The following AP3B1 variants were observed in gnomAD, a reference collection of about 807,000 sequenced individuals.
AP3B1 encodes AP-3 complex subunit beta-1.
AP3B1 carries 61 observed loss-of-function variants against 132.5 expected under a neutral mutation model. The observed-to-expected ratio is 0.46, with a 90% CI of 0.37 to 0.57. AP3B1 has a LOEUF of 0.57. Among genes scored for constraint, AP3B1 ranks in the 20% least tolerant of loss-of-function variants. AP3B1 has a pLI of 0.00. For missense variants in AP3B1, 1,120 were observed against 1,289.4 expected, an observed-to-expected ratio of 0.87 and a Z score of 2.01; for synonymous variants, 388 against 438.3, an observed-to-expected ratio of 0.89 and a Z score of 1.43.
chr5:78,287,751 A>T (rs1463564694), intron 1 of AP3B1, among the ~76,000 whole-genome samples: 3 of 36,078 alleles, frequency 8.3e-5, no homozygotes, highest in Middle Eastern at 0.013. Flanking sequence ...TACCCCTTGT[A>T]AAAAAAAAAA....
chr5:78,193,242 T>C (rs952256965), intron 7 of AP3B1, among the ~76,000 whole-genome samples: 18 of 152,184 alleles, frequency 1.2e-4, no homozygotes, highest in Non-Finnish European at 2.1e-4. Flanking sequence ...TTAGAGATAA[T>C]AGCCTAGATA....
chr5:78,202,375 C>T lies in AP3B1; in HGVS notation c.786+13680G>A, dbSNP rs576566311. The stretch of plus-strand genomic sequence containing the variant: ...GCTCCTCTCCTGTATTACAACTCCC[C>T]ATCCCCCAAGATATACAGATGGCAC... On this transcript the variant is annotated intron_variant, in intron 7 of 26. Coordinates refer to ENST00000255194, the MANE Select transcript of AP3B1 (RefSeq NM_003664.5). Among the ~76,000 whole-genome samples, 11 of 152,242 alleles carry T rather than the reference C, an allele frequency of 7.2e-5. No individual in the cohort carries two copies. In the South Asian group the frequency reaches 2.3e-3, roughly 32 times the overall value.
At chr5:78,009,773 CG>C (rs146253354) in intron 26 of AP3B1, among the ~76,000 whole-genome samples, 1,466 of 14,988 alleles carry the variant, frequency 0.098, 8 homozygotes, top group Non-Finnish European at 0.13. Flanking sequence ...TTAAGATATA[CG>C]GGGGGGTGGG....
At chr5:78,087,240 TCA>T (rs1217694484) in intron 22 of AP3B1, among the ~76,000 whole-genome samples, 1 of 152,202 alleles carries the variant, frequency 6.6e-6, no homozygotes, top group African/African-American at 2.4e-5. Context: ...TGTTGAGATC[TCA>T]CAGCATTATA....
chr5:78,267,604 A>G lies in AP3B1; in HGVS notation c.129-9T>C. 6.5e-7 allele frequency: 1 copy of G among 1,541,778 alleles called. No individual in the cohort carries two copies. Among genetic ancestry groups the G allele is most frequent in the Non-Finnish European group, 8.9e-7 (1 of 1,117,878 alleles). On this transcript the variant is annotated splice_polypyrimidine_tract_variant and intron_variant, in intron 1 of 26. Transcript: ENST00000255194. Reference sequence around the variant, plus strand: ...GCTTTAGATCTTCATTCCTATTACAAAAGAGAAGAAAAAAAATCCATACTT... The same window carrying G: ...GCTTTAGATCTTCATTCCTATTACAGAAGAGAAGAAAAAAAATCCATACTT...
intron 7 of AP3B1, among the ~76,000 whole-genome samples, chr5:78,200,215 A>G (rs1745234433): frequency 6.6e-6 from 1 of 151,874 alleles, no homozygotes; most frequent in African/African-American, 2.4e-5. Context: ...AATGGGTGCA[A>G]TCTGTGACTG....
chr5:78,181,454 A>G, intron 8 of AP3B1, 53 bp downstream of exon 8: 1 of 1,546,762 alleles, frequency 6.5e-7, no homozygotes, highest in Non-Finnish European at 8.9e-7. Flanking sequence ...GATATTTTTA[A>G]TTGCTGTTTT....
chr5:78,207,909 G>A (rs985356554), intron 7 of AP3B1, among the ~76,000 whole-genome samples: 49 of 152,224 alleles, frequency 3.2e-4, no homozygotes, highest in African/African-American at 1.2e-3. Context: ...AAATGCACAA[G>A]GCCTAAGAGA....
At chr5:78,178,558 T>C (rs946141123) in intron 8 of AP3B1, among the ~76,000 whole-genome samples, 22 of 152,024 alleles carry the variant, frequency 1.4e-4, no homozygotes, top group Non-Finnish European at 2.6e-4. Context: ...GAGGTAGAGG[T>C]TGCAGTGAGC....
rs536453230 is a variant in AP3B1 at position 78,094,440 on chromosome 5, A to G, written c.2471-4941T>C. Among the ~76,000 whole-genome samples the G allele has an allele frequency of 3.3e-5, 5 of 152,366 alleles. No homozygotes were observed. The East Asian group carries it at 7.7e-4, about 23-fold the overall frequency. On this transcript the variant is annotated intron_variant, in intron 21 of 26. Transcript: ENST00000255194. ...ACACAAAGAAACCACTAAACCGATT[A>G]AAAGCATAGGACTAATACCTGTGCT...
chr5:78,248,220 A>C (rs1358934137), intron 2 of AP3B1, among the ~76,000 whole-genome samples: 3 of 152,164 alleles, frequency 2.0e-5, no homozygotes, highest in Non-Finnish European at 4.4e-5. Context: ...GGCAGGGCAC[A>C]GTGGCTCACG....
chr5:78,022,425 C>T (rs550260741), intron 24 of AP3B1, among the ~76,000 whole-genome samples: 1 of 152,226 alleles, frequency 6.6e-6, no homozygotes, highest in South Asian at 2.1e-4. Context: ...GATGAGCAGC[C>T]TAATATGTCA....
At chr5:78,123,979 A>G (rs555332404) in intron 17 of AP3B1, among the ~76,000 whole-genome samples, 2 of 152,394 alleles carry the variant, frequency 1.3e-5, no homozygotes, top group African/African-American at 4.8e-5. Context: ...CTGGATTAAG[A>G]AAATGTGGTA....
intron 15 of AP3B1, among the ~76,000 whole-genome samples, chr5:78,130,179 T>A (rs186478102): frequency 1.3e-5 from 2 of 152,222 alleles, no homozygotes; most frequent in Admixed American, 1.3e-4. Context: ...TGAAAAAGCA[T>A]AGTTTTAACA....
At chr5:78,097,444 G>A (rs1474335880) in intron 21 of AP3B1, among the ~76,000 whole-genome samples, 16 of 114,896 alleles carry the variant, frequency 1.4e-4, no homozygotes, top group Non-Finnish European at 2.0e-4. Context: ...GCCTCTGCCC[G>A]GCCGCCCCTA....
chr5:78,195,951 A>G, intron 7 of AP3B1, among the ~76,000 whole-genome samples: 1 of 152,246 alleles, frequency 6.6e-6, no homozygotes, highest in East Asian at 1.9e-4. Flanking sequence ...TAACATAGGA[A>G]TCTAGATGAC....
chr5:78,187,144 T>C (rs1044868573), intron 7 of AP3B1, among the ~76,000 whole-genome samples: 1 of 152,206 alleles, frequency 6.6e-6, no homozygotes, highest in Non-Finnish European at 1.5e-5. Context: ...AAGTGAGATA[T>C]ACTTTTATAT....
intron 14 of AP3B1, among the ~76,000 whole-genome samples, chr5:78,142,533 G>A (rs1753197061): frequency 6.6e-6 from 1 of 151,960 alleles, no homozygotes; most frequent in South Asian, 2.1e-4. Context: ...GATTGTTAAA[G>A]AAAAAAGTGA....
intron 19 of AP3B1, among the ~76,000 whole-genome samples, chr5:78,113,447 A>G (rs1751680194): frequency 6.6e-6 from 1 of 152,204 alleles, no homozygotes; most frequent in African/African-American, 2.4e-5. Flanking sequence ...GCCCTCAGCA[A>G]AATCGCTACA....
Sources: allele counts gnomAD v4.1 joint callset (sites outside exome capture counted in the v4.1 genomes callset), GRCh38; gene constraint gnomAD v4.1.1; transcripts MANE v1.5; gene names NCBI Gene and HGNC (gene_info 2026-07-23, HGNC 2026-07-21).